MGAT4C: variants seen among roughly 807,000 people sequenced by gnomAD.
MGAT4C encodes the protein alpha-1,3-mannosyl-glycoprotein 4-beta-N-acetylglucosaminyltransferase C.
MGAT4C carries 19 observed loss-of-function variants against 40.1 expected under a neutral mutation model. The ratio of observed to expected loss-of-function variants is 0.47; its 90% CI spans 0.33 to 0.70. MGAT4C has a LOEUF of 0.70. Among genes scored for constraint, MGAT4C ranks in the 30% least tolerant of loss-of-function variants. The probability of loss-of-function intolerance (pLI) is 0.02; values close to 1 mark genes in which losing one functional copy is unlikely to be tolerated. For missense variants in MGAT4C, 491 were observed against 563.2 expected, an observed-to-expected ratio of 0.87 and a Z score of 1.30; for synonymous variants, 181 against 187.1, an observed-to-expected ratio of 0.97 and a Z score of 0.27.
At chr12:86,122,687 G>A (rs983770346) in intron 1 of MGAT4C, among the ~76,000 whole-genome samples, 5 of 152,112 alleles carry the variant, frequency 3.3e-5, no homozygotes, top group African/African-American at 1.2e-4. Flanking sequence ...TCTGCTAGGA[G>A]ATGCTATAAA....
intron 4 of MGAT4C, among the ~76,000 whole-genome samples, chr12:86,264,868 CT>C: frequency 6.6e-6 from 1 of 152,342 alleles, no homozygotes; most frequent in Admixed American, 6.5e-5. Flanking sequence ...TGTGCCCACT[CT>C]TGGGGCAGTG....
At chr12:86,352,489 A>G (rs1378064683) in intron 3 of MGAT4C, among the ~76,000 whole-genome samples, 1 of 152,152 alleles carries the variant, frequency 6.6e-6, no homozygotes, top group East Asian at 1.9e-4. Flanking sequence ...ATAGCATACT[A>G]TATGTAATTT....
intron 1 of MGAT4C, among the ~76,000 whole-genome samples, chr12:86,163,499 A>T (rs922541596): frequency 1.3e-5 from 2 of 152,134 alleles, no homozygotes; most frequent in Non-Finnish European, 2.9e-5. Flanking sequence ...GACAATAATC[A>T]AAATTTCTTA....
intron 3 of MGAT4C, among the ~76,000 whole-genome samples, chr12:86,358,736 T>C (rs542148135): frequency 2.0e-5 from 3 of 152,240 alleles, no homozygotes; most frequent in East Asian, 3.9e-4. Flanking sequence ...AAGAAGGCCA[T>C]TGCATAATGG....
At position 86,573,689 on chromosome 12, in the gene MGAT4C, T is replaced by A. The variant is rs73389870; in HGVS notation, c.-228-138424A>T. Among the ~76,000 whole-genome samples the A allele has an allele frequency of 3.3e-3, 495 of 152,124 alleles. 2 individuals are homozygous for A. The highest frequency in any genetic ancestry group is 0.012 in the African/African-American group (482 of 41,568). On this transcript the variant is annotated intron_variant, in intron 2 of 7. Coordinates refer to the MGAT4C transcript ENST00000548651. ...ATTAGTATGTGTTCACTAAATGTGG[T>A]AGAAGCAATATCTGTTTTAATTTAG...
chr12:86,123,075 G>A (rs867467859), intron 1 of MGAT4C, among the ~76,000 whole-genome samples: 12 of 152,098 alleles, frequency 7.9e-5, no homozygotes, highest in African/African-American at 2.7e-4. Context: ...CTTCTACTCT[G>A]TGCTAGGCTC....
chr12:85,986,866 G>C (rs1196405071), intron 3 of MGAT4C, among the ~76,000 whole-genome samples: 1 of 151,972 alleles, frequency 6.6e-6, no homozygotes, highest in Non-Finnish European at 1.5e-5. Flanking sequence ...GTTTCCCATG[G>C]ATACTATTCA....
chr12:86,502,653 T>G (rs111913317), intron 2 of MGAT4C, among the ~76,000 whole-genome samples: 1 of 144,042 alleles, frequency 6.9e-6, no homozygotes, highest in Non-Finnish European at 1.5e-5. Flanking sequence ...TATATATACA[T>G]GATTTCTGCT....
At chr12:85,985,856 T>A (rs1024101543) in intron 3 of MGAT4C, among the ~76,000 whole-genome samples, 1 of 152,196 alleles carries the variant, frequency 6.6e-6, no homozygotes, top group Admixed American at 6.5e-5. Flanking sequence ...GTGATGTACA[T>A]AATTAATAAT....
intron 2 of MGAT4C, among the ~76,000 whole-genome samples, chr12:86,007,574 A>C (rs1888023229): frequency 6.6e-6 from 1 of 152,074 alleles, no homozygotes; most frequent in African/African-American, 2.4e-5. Flanking sequence ...AATTCAAATA[A>C]AGTATAAATA....
intron 3 of MGAT4C, among the ~76,000 whole-genome samples, chr12:86,415,962 T>C (rs953686079): frequency 1.2e-4 from 18 of 152,020 alleles, no homozygotes; most frequent in African/African-American, 4.1e-4. Context: ...TGAGGATGAC[T>C]CTAAAAAGAA....
intron 4 of MGAT4C, among the ~76,000 whole-genome samples, chr12:86,296,313 C>T (rs1205359562): frequency 1.3e-5 from 2 of 152,234 alleles, no homozygotes; most frequent in Non-Finnish European, 2.9e-5. Flanking sequence ...CACGTCCCCA[C>T]CAGACTCAGG....
intron 1 of MGAT4C, among the ~76,000 whole-genome samples, chr12:86,196,285 T>G (rs1949798957): frequency 6.6e-6 from 1 of 152,202 alleles, no homozygotes; most frequent in Admixed American, 6.5e-5. Context: ...GCAAATTTCC[T>G]TAGATATTAA....
intron 1 of MGAT4C, among the ~76,000 whole-genome samples, chr12:86,777,957 T>A (rs1951772567): frequency 1.3e-5 from 2 of 152,190 alleles, no homozygotes; most frequent in Non-Finnish European, 2.9e-5. Context: ...AATAAATATA[T>A]TTTAAAATCA....
At chr12:85,999,509 A>T (rs1020971742) in intron 2 of MGAT4C, among the ~76,000 whole-genome samples, 3 of 151,952 alleles carry the variant, frequency 2.0e-5, no homozygotes, top group Non-Finnish European at 4.4e-5. Context: ...ACTATTCACA[A>T]TAGCCAAGAT....
chr12:86,021,065 A>G (rs965233825), intron 2 of MGAT4C, among the ~76,000 whole-genome samples: 4 of 152,100 alleles, frequency 2.6e-5, no homozygotes, highest in Non-Finnish European at 5.9e-5. Flanking sequence ...TTAGAATGGC[A>G]CTCATTAAAA....
rs1271147919 is a variant in MGAT4C at position 85,957,682 on chromosome 12, A to AG, written c.*21606_*21607insC. On this transcript the variant is annotated 3_prime_UTR_variant, in exon 5 of 5. Transcript: ENST00000611864. ...CAAAAAAAAAAAAAAAAGAAAAAAG[A>AG]AAAAAAAAATCTATCAATCCTGAAA... is the stretch of plus-strand genomic sequence containing the variant. 1.5e-5 allele frequency: 2 copies of AG among 136,356 alleles called. No homozygotes were observed. Among genetic ancestry groups the AG allele is most frequent in the African/African-American group, 5.5e-5 (2 of 36,348 alleles). The allele number at this position is 136,356 out of a possible 1,614,324, so 8.4% of individuals were successfully genotyped here.
chr12:86,118,203 A>T (rs1464661915), intron 1 of MGAT4C, among the ~76,000 whole-genome samples: 2 of 152,148 alleles, frequency 1.3e-5, no homozygotes, highest in African/African-American at 4.8e-5. Flanking sequence ...AAAAAAATGC[A>T]ACTCTTTTAT....
At chr12:86,472,586 A>C (rs1019755360) in intron 2 of MGAT4C, among the ~76,000 whole-genome samples, 2 of 152,136 alleles carry the variant, frequency 1.3e-5, no homozygotes, top group African/African-American at 4.8e-5. Flanking sequence ...ATATAACTAA[A>C]ATCTTACTAT....
Sources: allele counts gnomAD v4.1 joint callset (sites outside exome capture counted in the v4.1 genomes callset), GRCh38; gene constraint gnomAD v4.1.1; transcripts MANE v1.5; gene names NCBI Gene and HGNC (gene_info 2026-07-23, HGNC 2026-07-21).